The following SORBS2 variants were observed in gnomAD, a reference collection of about 807,000 sequenced individuals.
The protein encoded by SORBS2 is sorbin and SH3 domain containing 2.
A neutral mutation model predicts 97.7 loss-of-function variants in SORBS2; 46 were observed. That is an observed-to-expected ratio of 0.47 (90% CI 0.37 to 0.60). The LOEUF (loss-of-function observed/expected upper bound fraction) is 0.60. SORBS2 is among the 20% of genes least tolerant of loss of function. SORBS2 has a pLI of 0.00. For missense variants in SORBS2, 1,316 were observed against 1,282.3 expected (o/e 1.03, Z -0.40); for synonymous variants, 476 against 473.4 (o/e 1.01, Z -0.07).
intron 2 of SORBS2, among the ~76,000 whole-genome samples, chr4:185,722,556 G>A (rs2098523826): frequency 6.6e-6 from 1 of 152,124 alleles, no homozygotes; most frequent in Non-Finnish European, 1.5e-5. Flanking sequence ...CAATGAATCT[G>A]TGTCTGGCAT....
At chr4:185,667,274 G>A (rs897490456) in intron 4 of SORBS2, among the ~76,000 whole-genome samples, 9 of 152,182 alleles carry the variant, frequency 5.9e-5, no homozygotes, top group African/African-American at 1.9e-4. Flanking sequence ...TTTACACTTA[G>A]AAATACTGCC....
At chr4:185,791,939 C>G (rs970698683) in intron 1 of SORBS2, among the ~76,000 whole-genome samples, 1 of 152,198 alleles carries the variant, frequency 6.6e-6, no homozygotes, top group South Asian at 2.1e-4. Context: ...GACAGGCCCC[C>G]TGGCATTGAA....
intron 1 of SORBS2, among the ~76,000 whole-genome samples, chr4:185,824,544 G>A (rs922474315): frequency 7.2e-5 from 11 of 152,170 alleles, no homozygotes; most frequent in African/African-American, 2.6e-4. Flanking sequence ...AATCCTTTCT[G>A]GGAAAAAAGC....
At chr4:185,595,715 T>C (rs1429461753) in intron 12 of SORBS2, among the ~76,000 whole-genome samples, 1 of 152,102 alleles carries the variant, frequency 6.6e-6, no homozygotes, top group East Asian at 1.9e-4. Context: ...CATAGTTTTC[T>C]TAACCATTCC....
chr4:185,810,028 C>A (rs990244234), intron 1 of SORBS2, among the ~76,000 whole-genome samples: 1 of 152,206 alleles, frequency 6.6e-6, no homozygotes, highest in African/African-American at 2.4e-5. Flanking sequence ...GAATCCCTTA[C>A]TTAGCTGATA....
chr4:185,739,090 A>AC (rs1365630102), intron 2 of SORBS2, among the ~76,000 whole-genome samples: 1 of 152,260 alleles, frequency 6.6e-6, no homozygotes, highest in Non-Finnish European at 1.5e-5. Flanking sequence ...CTGAGAGCTG[A>AC]CTTGTCTCCA....
chr4:185,744,272 C>T (rs1168547685), intron 2 of SORBS2, among the ~76,000 whole-genome samples: 1 of 152,022 alleles, frequency 6.6e-6, no homozygotes, highest in Non-Finnish European at 1.5e-5. Context: ...ACAATGTACC[C>T]CATTGTATGC....
At chr4:185,761,427 T>A (rs1250208157) in intron 2 of SORBS2, 2 of 152,260 alleles carry the variant, frequency 1.3e-5, no homozygotes, top group South Asian at 4.1e-4. Flanking sequence ...TAGCTCTCAT[T>A]CTGAAGATAT....
intron 1 of SORBS2, among the ~76,000 whole-genome samples, chr4:185,801,358 T>C (rs917222724): frequency 2.0e-4 from 31 of 152,372 alleles, no homozygotes; most frequent in African/African-American, 6.5e-4. Flanking sequence ...CTAGATCATA[T>C]GGTAGTTCTG....
chr4:185,722,183 G>C (rs1375190290), intron 2 of SORBS2, among the ~76,000 whole-genome samples: 2 of 152,216 alleles, frequency 1.3e-5, no homozygotes, highest in African/African-American at 4.8e-5. Flanking sequence ...AAACGGCTAT[G>C]ATCACGTATA....
chr4:185,772,705 A>T (rs2098978454), intron 2 of SORBS2: 1 of 152,238 alleles, frequency 6.6e-6, no homozygotes, highest in Admixed American at 6.5e-5. Context: ...GCTTTCAAAC[A>T]TCATGAGATA....
At chr4:185,604,804 T>C (rs759052071) in intron 12 of SORBS2, among the ~76,000 whole-genome samples, 22 of 152,180 alleles carry the variant, frequency 1.4e-4, no homozygotes, top group Non-Finnish European at 2.5e-4. Context: ...ATTTATATGA[T>C]GGCTCCTTCT....
At chr4:185,638,846 A>G in intron 4 of SORBS2, 31 bp downstream of exon 14, 3 of 1,426,360 alleles carry the variant, frequency 2.1e-6, no homozygotes, top group Non-Finnish European at 1.8e-6. Flanking sequence ...TCTGCCGGGC[A>G]TGAAGAAAGG....
intron 1 of SORBS2, among the ~76,000 whole-genome samples, chr4:185,848,267 A>T (rs996301003): frequency 5.9e-5 from 9 of 152,184 alleles, no homozygotes; most frequent in African/African-American, 1.4e-4. Flanking sequence ...GGGAAAGCCA[A>T]CCTGCAGGGA....
At chr4:185,789,714 G>C (rs1343362801) in intron 1 of SORBS2, among the ~76,000 whole-genome samples, 3 of 152,136 alleles carry the variant, frequency 2.0e-5, no homozygotes, top group East Asian at 3.9e-4. Context: ...AATCATTCAA[G>C]AGAGACATTA....
At chr4:185,762,175 T>G (rs190905055) in intron 2 of SORBS2, among the ~76,000 whole-genome samples, 2 of 152,286 alleles carry the variant, frequency 1.3e-5, no homozygotes, top group East Asian at 3.9e-4. Context: ...TAAGTTGGTA[T>G]GAAGAAAAAT....
intron 1 of SORBS2, among the ~76,000 whole-genome samples, chr4:185,945,180 T>C (rs941857697): frequency 1.3e-5 from 2 of 152,204 alleles, no homozygotes; most frequent in Non-Finnish European, 2.9e-5. Flanking sequence ...TTGTGATAGC[T>C]TGGAAGTTTA....
intron 2 of SORBS2, among the ~76,000 whole-genome samples, chr4:185,728,419 T>A (rs1388075916): frequency 6.6e-6 from 1 of 152,230 alleles, no homozygotes; most frequent in Non-Finnish European, 1.5e-5. Context: ...TGCCATTCCA[T>A]CTAGCTCTAG....
chr4:185,828,998 C>T (rs780982609), intron 1 of SORBS2, among the ~76,000 whole-genome samples: 2 of 152,234 alleles, frequency 1.3e-5, no homozygotes, highest in Non-Finnish European at 2.9e-5. Flanking sequence ...TTTAATCCAT[C>T]CTCCATATGT....
Sources: gnomAD v4.1 joint callset for allele counts (sites outside exome capture counted in the v4.1 genomes callset) on GRCh38, gnomAD v4.1.1 for gene constraint, MANE v1.5 for transcripts, NCBI Gene and HGNC (gene_info 2026-07-23, HGNC 2026-07-21) for gene names.